Variants in NTM observed in about 807,000 individuals in gnomAD.
The protein encoded by NTM is IgLON family member 2.
Under a neutral mutation model 42.1 loss-of-function variants are expected in NTM, and 13 were observed. The observed-to-expected ratio is 0.31, with a 90% CI of 0.20 to 0.49. The LOEUF is 0.49. Ranked by LOEUF, NTM falls within the 20% of genes least tolerant of loss-of-function variation. The pLI, the probability that NTM is intolerant of heterozygous loss-of-function variation, is 0.99. For synonymous variants in NTM, 187 were observed against 179.2 expected (o/e 1.04, Z -0.35); for missense variants, 373 against 452.8 (o/e 0.82, Z 1.60).
At chr11:132,267,635 G>T (rs1052564137) in intron 4 of NTM, among the ~76,000 whole-genome samples, 2 of 151,876 alleles carry the variant, frequency 1.3e-5, no homozygotes, top group African/African-American at 4.8e-5. Flanking sequence ...GGCTGAAATG[G>T]CAAAACCCTG....
At chr11:131,746,974 G>A (rs2081905887) in intron 1 of NTM, among the ~76,000 whole-genome samples, 1 of 151,940 alleles carries the variant, frequency 6.6e-6, no homozygotes, top group African/African-American at 2.4e-5. Flanking sequence ...CTGTAAAATT[G>A]GTGTAAAAAT....
In NTM at chr11:131,591,923, G is replaced by A. The variant is rs186024582; in HGVS notation, c.82+221035G>A. 3.3e-5 allele frequency among the ~76,000 whole-genome samples: 5 copies of A among 152,308 alleles called. No homozygotes were observed. In the East Asian group the frequency reaches 9.7e-4, roughly 29 times the overall value. On this transcript the variant is annotated intron_variant, in intron 1 of 8. Transcript: ENST00000683400. The stretch of plus-strand genomic sequence containing the variant: ...AGAAACAGTTCTTGTGTTATGCTCT[G>A]GGTAAGAACTACTCAGTTGTTGGAA...
At chr11:132,083,447 G>T (rs1471847272) in intron 2 of NTM, among the ~76,000 whole-genome samples, 1 of 152,198 alleles carries the variant, frequency 6.6e-6, no homozygotes, top group Admixed American at 6.5e-5. Flanking sequence ...GTTCCACAAG[G>T]AATCTCAGAT....
At chr11:132,097,824 G>T (rs2061193504) in intron 2 of NTM, among the ~76,000 whole-genome samples, 1 of 152,206 alleles carries the variant, frequency 6.6e-6, no homozygotes. Flanking sequence ...GGAGCCAGAG[G>T]GAAAAGGGTT....
At chr11:131,955,824 A>G (rs867897377) in intron 2 of NTM, among the ~76,000 whole-genome samples, 1 of 152,094 alleles carries the variant, frequency 6.6e-6, no homozygotes, top group Non-Finnish European at 1.5e-5. Flanking sequence ...TCCTAAATAT[A>G]ATGTCCGCGC....
chr11:131,397,046 G>C (rs1944640342), intron 1 of NTM, among the ~76,000 whole-genome samples: 1 of 152,030 alleles, frequency 6.6e-6, no homozygotes, highest in African/African-American at 2.4e-5. Flanking sequence ...GGAATAACTG[G>C]GAAAAAGTGG....
intron 1 of NTM, among the ~76,000 whole-genome samples, chr11:131,819,843 A>G (rs2093107829): frequency 6.6e-6 from 1 of 152,172 alleles, no homozygotes; most frequent in Non-Finnish European, 1.5e-5. Flanking sequence ...CCATGAGAGC[A>G]GCAGCACCCT....
intron 2 of NTM, among the ~76,000 whole-genome samples, chr11:132,104,636 G>A (rs1478878727): frequency 6.7e-6 from 1 of 148,762 alleles, no homozygotes; most frequent in Non-Finnish European, 1.5e-5. Flanking sequence ...AATAATGGGT[G>A]TGGTAGTGCA....
intron 4 of NTM, among the ~76,000 whole-genome samples, chr11:132,260,448 G>A (rs1326540020): frequency 6.6e-6 from 1 of 152,052 alleles, no homozygotes; most frequent in Non-Finnish European, 1.5e-5. Context: ...TGTTCTATTT[G>A]TTTTTAAGAA....
chr11:131,910,912 T>G (rs1212506612), intron 1 of NTM: 1 of 986,260 alleles, frequency 1.0e-6, no homozygotes, highest in Non-Finnish European at 1.2e-6. Context: ...CGCGGCCGTC[T>G]CCTCCGCGCG....
At chr11:132,169,320 CTTTTTTT>C (rs567723794) in intron 3 of NTM, among the ~76,000 whole-genome samples, 52 of 32,368 alleles carry the variant, frequency 1.6e-3, no homozygotes, top group Non-Finnish European at 2.3e-3. Flanking sequence ...AATTTTTTTA[CTTTTTTT>C]TTTTTTTTTT....
intron 2 of NTM, among the ~76,000 whole-genome samples, chr11:131,953,975 T>C (rs1219615516): frequency 6.6e-6 from 1 of 152,190 alleles, no homozygotes; most frequent in African/African-American, 2.4e-5. Flanking sequence ...TTTCTGGTAA[T>C]ATCAAGTCCA....
intron 1 of NTM, among the ~76,000 whole-genome samples, chr11:131,893,535 G>A (rs1280195453): frequency 1.3e-5 from 2 of 152,212 alleles, no homozygotes; most frequent in African/African-American, 4.8e-5. Flanking sequence ...AACGAAAGCT[G>A]GAGCAGAAGG....
At chr11:131,894,990 G>A (rs897384761) in intron 1 of NTM, among the ~76,000 whole-genome samples, 1 of 152,192 alleles carries the variant, frequency 6.6e-6, no homozygotes, top group Non-Finnish European at 1.5e-5. Flanking sequence ...GCCAAGGGGT[G>A]TAACTGAAGC....
At position 131,506,530 on chromosome 11, in the gene NTM, G is replaced by T. The variant is rs182870801; in HGVS notation, c.82+135642G>T. ...TGTCAACTCACTCTGAGGAGGAGGC[G>T]GCCACAGGGAGAGGTGGCTGCTTCC... On this transcript the variant is annotated intron_variant, in intron 1 of 8. Transcript: ENST00000683400. Among the ~76,000 whole-genome samples, 32 of 152,282 alleles carry T rather than the reference G, an allele frequency of 2.1e-4. 1 individual carries two copies. Among genetic ancestry groups the T allele is most frequent in the Non-Finnish European group, 2.9e-4 (20 of 68,024 alleles).
chr11:131,605,313 T>C (rs1272952886), intron 1 of NTM, among the ~76,000 whole-genome samples: 5 of 152,230 alleles, frequency 3.3e-5, no homozygotes, highest in Non-Finnish European at 7.3e-5. Flanking sequence ...CTTTTTGATG[T>C]TGTTGTAAAT....
intron 2 of NTM, among the ~76,000 whole-genome samples, chr11:131,947,167 G>A (rs536260852): frequency 3.9e-5 from 6 of 152,164 alleles, no homozygotes; most frequent in African/African-American, 1.4e-4. Context: ...ATGAAGTTTA[G>A]CATCTTTTCA....
intron 4 of NTM, among the ~76,000 whole-genome samples, chr11:132,243,311 G>A (rs1275212268): frequency 6.6e-6 from 1 of 152,172 alleles, no homozygotes; most frequent in African/African-American, 2.4e-5. Flanking sequence ...TAGCAAGGGT[G>A]CAAACTCCAT....
At chr11:131,588,208 G>A (rs1342395287) in intron 1 of NTM, among the ~76,000 whole-genome samples, 1 of 152,230 alleles carries the variant, frequency 6.6e-6, no homozygotes, top group African/African-American at 2.4e-5. Flanking sequence ...TCACTCAAAT[G>A]ACTGTTGGCA....
Sources: allele counts gnomAD v4.1 joint callset (sites outside exome capture counted in the v4.1 genomes callset), GRCh38; gene constraint gnomAD v4.1.1; transcripts MANE v1.5; gene names NCBI Gene and HGNC (gene_info 2026-07-23, HGNC 2026-07-21).